The following DNAJC10 variants were observed in gnomAD, a reference collection of about 807,000 sequenced individuals.
The protein encoded by DNAJC10 is endoplasmic reticulum disulfide reductase DNAJC10.
In DNAJC10, 101 loss-of-function variants were observed where a neutral mutation model predicts 115.0. The observed-to-expected ratio is 0.88, with a 90% CI of 0.75 to 1.04. DNAJC10 has a LOEUF of 1.04. Among genes scored for constraint, DNAJC10 ranks in the 50% least tolerant of loss-of-function variants. The pLI is 0.00. For synonymous variants in DNAJC10, 307 were observed against 301.5 expected (o/e 1.02, Z -0.19); for missense variants, 981 against 928.8 (o/e 1.06, Z -0.73).
intron 10 of DNAJC10, among the ~76,000 whole-genome samples, chr2:182,733,822 TAG>T (rs763279665): frequency 6.6e-6 from 1 of 151,120 alleles, no homozygotes; most frequent in African/African-American, 2.4e-5. Context: ...GATAGATAGA[TAG>T]ATAGATTTTC....
intron 13 of DNAJC10, among the ~76,000 whole-genome samples, chr2:182,741,789 AACATTTTGT>A (rs1693743816): frequency 6.6e-6 from 1 of 152,162 alleles, no homozygotes; most frequent in Non-Finnish European, 1.5e-5. Flanking sequence ...TAACCATTTA[AACATTTTGT>A]GAGTGCCCAT....
intron 14 of DNAJC10, among the ~76,000 whole-genome samples, chr2:182,747,107 A>C (rs1279109501): frequency 2.6e-5 from 4 of 152,070 alleles, no homozygotes; most frequent in Non-Finnish European, 5.9e-5. Context: ...TTTTGGTACC[A>C]GTACCATGCT....
At chr2:182,739,777 G>T in intron 11 of DNAJC10, 1 of 996,040 alleles carries the variant, frequency 1.0e-6, no homozygotes, top group South Asian at 4.5e-5. Flanking sequence ...TCTATAATGA[G>T]CAAAAGTCCA....
chr2:182,722,061 AAAG>A lies in DNAJC10; in HGVS notation c.409_411del (p.Arg137del). On this transcript the variant is annotated inframe_deletion, in exon 5 of 24. Coordinates refer to ENST00000264065, the MANE Select transcript of DNAJC10 (RefSeq NM_018981.4). ...GATGATCCTGAAATCATAACATTGG[AAAG>A]AAGAGAATTTGGTAAGTTTGTGGGC... 6.4e-7 allele frequency: 1 copy of A among 1,564,598 alleles called. No homozygotes were observed. Among genetic ancestry groups the A allele is most frequent in the Non-Finnish European group, 8.7e-7 (1 of 1,151,436 alleles).
At chr2:182,751,546 A>T in intron 14 of DNAJC10, 112 bp from the exon 15 acceptor site, 1 of 1,277,678 alleles carries the variant, frequency 7.8e-7, no homozygotes, top group Non-Finnish European at 1.1e-6. Context: ...CACCAAAATC[A>T]ATTTGTTCAT....
Position 182,751,753 on chromosome 2 carries a change from A to G in DNAJC10, c.1402A>G (p.Lys468Glu). ...ACCTCAAAATTTTCCTGCCAATGAC[A>G]AAGAACCATGGCTTGTTGATTTCTT... The part of the protein sequence containing the change: ...LGPQNFPAND[K>E]EPWLVDFFAP... Residue 468 changes from lysine (K) to glutamate (E), a missense_variant, in exon 15 of 24, where the codon AAA (lysine) becomes GAA (glutamate). Physicochemically the swap from Lys to Glu is moderately conservative, Grantham distance 56 (BLOSUM62 1). Transcript: ENST00000264065. The G allele has an allele frequency of 6.2e-7, 1 of 1,613,974 alleles. No homozygotes were observed. Among genetic ancestry groups the G allele is most frequent in the Non-Finnish European group, 8.5e-7 (1 of 1,179,956 alleles).
At chr2:182,747,210 G>A (rs1221121463) in intron 14 of DNAJC10, among the ~76,000 whole-genome samples, 1 of 150,582 alleles carries the variant, frequency 6.6e-6, no homozygotes, top group Non-Finnish European at 1.5e-5. Flanking sequence ...ACTTGGCAAT[G>A]CGGGCTCTTT....
At chr2:182,759,931 AGTTCAAGCCTTTGTT>A (rs1467412409) in intron 21 of DNAJC10, among the ~76,000 whole-genome samples, 1 of 152,142 alleles carries the variant, frequency 6.6e-6, no homozygotes, top group Non-Finnish European at 1.5e-5. Flanking sequence ...AGTTCAACAC[AGTTCAAGCCTTTGTT>A]GTTCAAGAGT....
chr2:182,750,037 T>C (rs1022589296), intron 14 of DNAJC10, among the ~76,000 whole-genome samples: 1 of 152,138 alleles, frequency 6.6e-6, no homozygotes, highest in African/African-American at 2.4e-5. Flanking sequence ...GCTCTCAATA[T>C]GGTAGCTAGC....
Position 182,731,040 on chromosome 2 carries a change from C to G in DNAJC10, c.738C>G (p.Val246=), listed in dbSNP as rs780425699. 6.2e-7 allele frequency: 1 copy of G among 1,610,080 alleles called. No homozygotes were observed. The highest frequency in any genetic ancestry group is 1.1e-5 in the South Asian group (1 of 90,106). ...TCTTTTATTTTTAAGGAAATTTTGT[C>G]AACTCCATACAAACTGCTTTTGCTG... is the stretch of plus-strand genomic sequence containing the variant. ...TVTELWTGNF[V]NSIQTAFAAG... is the part of the protein sequence containing the mutation. The change falls in exon 9 of 24, where the codon GTC becomes GTG. Residue 246 remains valine, a synonymous_variant. Coordinates refer to ENST00000264065, the MANE Select transcript of DNAJC10 (RefSeq NM_018981.4).
chr2:182,772,734 T>G (rs1471809615), intron 22 of DNAJC10, among the ~76,000 whole-genome samples: 1 of 152,214 alleles, frequency 6.6e-6, no homozygotes, highest in East Asian at 1.9e-4. Flanking sequence ...TGTGTGCATC[T>G]TTGCACATGA....
At chr2:182,731,008 C>G in intron 8 of DNAJC10, 22 bp from the exon 9 acceptor site, 2 of 1,585,426 alleles carry the variant, frequency 1.3e-6, no homozygotes, top group Non-Finnish European at 1.7e-6. Context: ...TCAGAATTTG[C>G]TTTTTTTCTT....
rs771376665 is a variant in DNAJC10, at chr2:182,728,931, A to T, written c.570A>T (p.Arg190Ser). 6.2e-7 allele frequency: 1 copy of T among 1,614,026 alleles called. No homozygotes were observed. The highest frequency in any genetic ancestry group is 8.5e-7 in the Non-Finnish European group (1 of 1,179,966). The change falls in exon 7 of 24, where the codon AGA (arginine) becomes AGT (serine). Residue 190 changes from arginine (R) to serine (S), a missense_variant. Physicochemically the swap from Arg to Ser is moderately radical, Grantham distance 110 (BLOSUM62 -1). Coordinates refer to ENST00000264065, the MANE Select transcript of DNAJC10 (RefSeq NM_018981.4). ...RIGAVNCGDDRMLCRMKGVNS... is the reference protein window; with the variant it reads ...RIGAVNCGDDSMLCRMKGVNS... ...GAGCTGTTAACTGTGGTGATGATAG[A>T]ATGCTTTGCCGAATGAAAGGAGTCA...
intron 13 of DNAJC10, among the ~76,000 whole-genome samples, chr2:182,742,386 C>T (rs1693758184): frequency 6.6e-6 from 1 of 152,154 alleles, no homozygotes; most frequent in Non-Finnish European, 1.5e-5. Context: ...GACTGGATTT[C>T]TCCATATTGG....
In DNAJC10 at chr2:182,723,032, G is replaced by A. The variant is rs545107357; in HGVS notation, c.418+957G>A. Among the ~76,000 whole-genome samples the A allele has an allele frequency of 2.8e-5, 4 of 145,212 alleles. No individual in the cohort carries two copies. The South Asian group carries it at 8.6e-4, about 31-fold the overall frequency. On this transcript the variant is annotated intron_variant, in intron 5 of 23. Transcript: ENST00000264065. ...ATACAGTTTGTTCCTTCTAAGCAAG[G>A]GTGGCTTTTTTTTTTTTTTTTTTTT...
At position 182,785,069 on chromosome 2, in the gene DNAJC10, A is replaced by C. The variant is rs1262658246; in HGVS notation, c.*7937A>C. On this transcript the variant is annotated 3_prime_UTR_variant, in exon 24 of 24. Transcript: ENST00000264065. Reference sequence around the variant, plus strand: ...AAAAGTTAAAAGTATTTCGCATCCAAAAGTTTGTAATCTAGTGTAATAAAT... The same window carrying C: ...AAAAGTTAAAAGTATTTCGCATCCACAAGTTTGTAATCTAGTGTAATAAAT... 1 of 152,186 alleles carries C rather than the reference A, an allele frequency of 6.6e-6. No homozygotes were observed. Among genetic ancestry groups the C allele is most frequent in the Non-Finnish European group, 1.5e-5 (1 of 68,036 alleles). 9.4% of individuals were successfully genotyped at this position (152,186 alleles called of 1,614,324 possible). A position where few individuals can be genotyped will look rare whatever the true frequency, so the allele number is the denominator to read the frequency against.
chr2:182,769,060 G>A (rs1694491238), intron 22 of DNAJC10, among the ~76,000 whole-genome samples: 1 of 152,102 alleles, frequency 6.6e-6, no homozygotes, highest in African/African-American at 2.4e-5. Context: ...CCACCTGTGA[G>A]TGAGAACATG....
chr2:182,773,616 A>G (rs1419966815), intron 22 of DNAJC10, among the ~76,000 whole-genome samples: 3 of 152,166 alleles, frequency 2.0e-5, no homozygotes, highest in African/African-American at 7.2e-5. Context: ...CCACTTGATC[A>G]AATTGGCTAT....
At chr2:182,756,734 A>C (rs951394552) in intron 18 of DNAJC10, among the ~76,000 whole-genome samples, 1 of 151,812 alleles carries the variant, frequency 6.6e-6, no homozygotes, top group Non-Finnish European at 1.5e-5. Context: ...GCAGTGGCGC[A>C]ATCTCGGCTC....
Sources: allele counts gnomAD v4.1 joint callset (sites outside exome capture counted in the v4.1 genomes callset), GRCh38; gene constraint gnomAD v4.1.1; transcripts MANE v1.5; gene names NCBI Gene and HGNC (gene_info 2026-07-23, HGNC 2026-07-21).